SF3B3: variants seen among roughly 807,000 people sequenced by gnomAD.
SF3B3 encodes splicing factor 3b subunit 3.
SF3B3 carries 33 observed loss-of-function variants against 139.2 expected under a neutral mutation model. That is an observed-to-expected ratio of 0.24 (90% CI 0.18 to 0.32). The LOEUF (loss-of-function observed/expected upper bound fraction) is 0.32. SF3B3 is among the 10% of genes least tolerant of loss of function. The probability of loss-of-function intolerance (pLI) is 1.00; values close to 1 mark genes in which losing one functional copy is unlikely to be tolerated. For synonymous variants in SF3B3, 596 were observed against 563.6 expected, an observed-to-expected ratio of 1.06 and a Z score of -0.81; for missense variants, 818 against 1,509.4, an observed-to-expected ratio of 0.54 and a Z score of 7.59.
intron 11 of SF3B3, chr16:70,554,182 G>A (rs1416356537): frequency 3.0e-6 from 1 of 330,816 alleles, no homozygotes; most frequent in Non-Finnish European, 5.6e-6. Context: ...TCATGTCTCC[G>A]ATTCTCTTGC....
chr16:70,554,117 A>G (rs1239974656), intron 11 of SF3B3: 2 of 170,602 alleles, frequency 1.2e-5, no homozygotes, highest in Non-Finnish European at 2.5e-5. Flanking sequence ...GCACAAATAA[A>G]TGAAGCTCTA....
Position 70,572,267 on chromosome 16 carries a change from A to C in SF3B3, c.*454A>C. On this transcript the variant is annotated 3_prime_UTR_variant, in exon 26 of 26. Transcript: ENST00000302516. ...CCTGAGTTCCACTGCTCTAGAATCT[A>C]ACCAGAAATAGAAACCTAGTTTTTA... The C allele has an allele frequency of 3.0e-6, 1 of 331,218 alleles. No homozygotes were observed. Among genetic ancestry groups the C allele is most frequent in the South Asian group, 2.3e-5 (1 of 42,820 alleles). 20.5% of individuals were successfully genotyped at this position (331,218 alleles called of 1,614,324 possible).
chr16:70,562,226 T>C (rs1314868522), intron 17 of SF3B3, among the ~76,000 whole-genome samples: 1 of 152,226 alleles, frequency 6.6e-6, no homozygotes, highest in East Asian at 1.9e-4. Flanking sequence ...AATATTGATG[T>C]GAAGTTTGAG....
chr16:70,539,981 A>G (rs367923903), intron 8 of SF3B3, among the ~76,000 whole-genome samples: 31 of 150,512 alleles, frequency 2.1e-4, no homozygotes, highest in East Asian at 1.6e-3. Context: ...TCTCCATGTT[A>G]GTCAGGCTGG....
In SF3B3 at chr16:70,568,459, T is replaced by C; in HGVS notation, c.3129T>C (p.Thr1043=). ...VTTASLLDYD[T]VAGADKFGNI... ...CAGCCAGCCTCCTGGACTATGACACTGTGGCTGGGGCAGACAAGTTTGGCA... is the reference window on the plus strand; with the variant it reads ...CAGCCAGCCTCCTGGACTATGACACCGTGGCTGGGGCAGACAAGTTTGGCA... The change falls in exon 22 of 26, where the codon ACT becomes ACC. Residue 1043 remains threonine (T), a synonymous_variant. Transcript: ENST00000302516. 4 of 1,613,976 alleles carry C rather than the reference T, an allele frequency of 2.5e-6. No individual in the cohort carries two copies. Among genetic ancestry groups the C allele is most frequent in the Non-Finnish European group, 2.5e-6 (3 of 1,179,868 alleles).
At chr16:70,554,406 T>G in intron 11 of SF3B3, 40 bp from the exon 12 acceptor site, 3 of 1,597,654 alleles carry the variant, frequency 1.9e-6, no homozygotes, top group Non-Finnish European at 2.6e-6. Flanking sequence ...GTAATTCTAA[T>G]GAGTTCTTAT....
In SF3B3 at chr16:70,560,531, T is replaced by G; in HGVS notation, c.2073T>G (p.Thr691=). 1 of 1,613,998 alleles carries G rather than the reference T, an allele frequency of 6.2e-7. No individual in the cohort carries two copies. The highest frequency in any genetic ancestry group is 1.1e-5 in the South Asian group (1 of 91,076). Residue 691 remains threonine, a synonymous_variant, in exon 16 of 26, where the codon ACT becomes ACG. Transcript: ENST00000302516. ...CTGGGGATTTGTCTGATACTCGCAC[T>G]CGGTACCTGGGGTCCCGTCCTGTGA... ...PVTGDLSDTR[T]RYLGSRPVKL... is the part of the protein sequence containing the mutation.
At chr16:70,527,796 A>G (rs772039919) in intron 2 of SF3B3, among the ~76,000 whole-genome samples, 67 of 152,124 alleles carry the variant, frequency 4.4e-4, no homozygotes, top group Non-Finnish European at 7.6e-4. Flanking sequence ...TTTTCCTTGA[A>G]ACAGAGTCCT....
intron 11 of SF3B3, among the ~76,000 whole-genome samples, chr16:70,551,495 G>A (rs1034962135): frequency 1.3e-5 from 2 of 152,130 alleles, no homozygotes; most frequent in Admixed American, 6.5e-5. Context: ...CTGAGGTTGG[G>A]AATTTGAGAC....
Position 70,532,365 on chromosome 16 carries a change from A to AAAAAAAAAAAG in SF3B3, c.571-112_571-111insAAAAAAAAGAA, listed in dbSNP as rs1159104206. On this transcript the variant is annotated intron_variant, in intron 4 of 25. Coordinates refer to ENST00000302516, the MANE Select transcript of SF3B3 (RefSeq NM_012426.5). ...GTGAGAACCTGTCTCTCCAAAAAAA[A>AAAAAAAAAAAG]AAGAAGACATTTGTGGACTTCTGTT... 1.8e-5 allele frequency: 15 copies of AAAAAAAAAAAG among 832,730 alleles called. No homozygotes were observed. In the African/African-American group the frequency reaches 2.1e-4, roughly 11 times the overall value. The allele number at this position is 832,730 out of a possible 1,614,324, so 51.6% of individuals were successfully genotyped here.
intron 5 of SF3B3, among the ~76,000 whole-genome samples, chr16:70,533,610 GAA>G (rs2050141038): frequency 6.6e-6 from 1 of 152,078 alleles, no homozygotes; most frequent in African/African-American, 2.4e-5. Flanking sequence ...TTCACCATTG[GAA>G]AATACACGTT....
rs1223538598 is a variant in SF3B3 at position 70,572,219 on chromosome 16, A to G, written c.*406A>G. 4.5e-6 allele frequency: 2 copies of G among 443,532 alleles called. No homozygotes were observed. The highest frequency in any genetic ancestry group is 4.0e-5 in the African/African-American group (2 of 49,938). 27.5% of individuals were successfully genotyped at this position (443,532 alleles called of 1,614,324 possible). ...GAGGAAGGAGGCAGGCTGTGGTGGG[A>G]CTGGGTAGGGTATAGTATCACTCCT... On this transcript the variant is annotated 3_prime_UTR_variant, in exon 26 of 26. Transcript: ENST00000302516.
chr16:70,532,748 G>T, intron 5 of SF3B3, 128 bp downstream of exon 5: 1 of 894,236 alleles, frequency 1.1e-6, no homozygotes, highest in East Asian at 2.5e-5. Context: ...TTATCTTTTG[G>T]ACAGGTTAGA....
In SF3B3 at chr16:70,563,788, C is replaced by T. The variant is rs1233024980; in HGVS notation, c.2289-88C>T. The T allele has an allele frequency of 1.3e-5, 16 of 1,234,294 alleles. 1 individual carries two copies. Among genetic ancestry groups the T allele is most frequent in the African/African-American group, 3.0e-5 (2 of 67,006 alleles). The allele number at this position is 1,234,294 out of a possible 1,614,324, so 76.5% of individuals were successfully genotyped here. A position where few individuals can be genotyped will look rare whatever the true frequency, so the allele number is the denominator to read the frequency against. On this transcript the variant is annotated intron_variant, in intron 17 of 25. Transcript: ENST00000302516. ...CCAACGTTAGAGCTCCAGGGATTGACGTGTTTGCTGACTGCTCAAAGTCTA... is the reference window on the plus strand; with the variant it reads ...CCAACGTTAGAGCTCCAGGGATTGATGTGTTTGCTGACTGCTCAAAGTCTA...
intron 4 of SF3B3, among the ~76,000 whole-genome samples, chr16:70,532,214 C>T (rs1283581032): frequency 6.6e-6 from 1 of 151,834 alleles, no homozygotes; most frequent in Non-Finnish European, 1.5e-5. Flanking sequence ...ATCACTTGAA[C>T]CTGGGAGGTG....
chr16:70,544,300 T>C (rs2050248118), intron 9 of SF3B3, 138 bp from the exon 10 acceptor site: 1 of 615,096 alleles, frequency 1.6e-6, no homozygotes, highest in African/African-American at 1.8e-5. Flanking sequence ...ACAATACAGA[T>C]CATTCACCTC....
chr16:70,538,512 C>G (rs1211643474), intron 7 of SF3B3, 52 bp downstream of exon 7: 1 of 1,461,994 alleles, frequency 6.8e-7, no homozygotes. Flanking sequence ...ATGAGATAGG[C>G]AAGACAGGTA....
At chr16:70,557,154 A>G in intron 15 of SF3B3, 125 bp downstream of exon 15, 4 of 993,162 alleles carry the variant, frequency 4.0e-6, no homozygotes, top group Non-Finnish European at 4.3e-6. Context: ...AAAAGTGAAC[A>G]GTGTCACTCT....
At chr16:70,552,276 T>A (rs1376642644) in intron 11 of SF3B3, among the ~76,000 whole-genome samples, 1 of 152,162 alleles carries the variant, frequency 6.6e-6, no homozygotes, top group African/African-American at 2.4e-5. Context: ...GCTTTTAGGG[T>A]TATTAGGTTT....
Sources: gnomAD v4.1 joint callset for allele counts (sites outside exome capture counted in the v4.1 genomes callset) on GRCh38, gnomAD v4.1.1 for gene constraint, MANE v1.5 for transcripts, NCBI Gene and HGNC (gene_info 2026-07-23, HGNC 2026-07-21) for gene names.